The following ABCB5 variants were observed in gnomAD, a reference collection of about 807,000 sequenced individuals.
ABCB5 encodes the protein ATP-binding cassette sub-family B member 5.
Under a neutral mutation model 144.2 loss-of-function variants are expected in ABCB5, and 155 were observed. The observed-to-expected ratio is 1.08, with a 90% CI of 0.94 to 1.23. The LOEUF (loss-of-function observed/expected upper bound fraction) is 1.23, where lower values mean the gene tolerates loss of function less well. Among genes scored for constraint, ABCB5 ranks in the 50% most tolerant of loss-of-function variants. The pLI is 0.00. For missense variants in ABCB5, 1,830 were observed against 1,520.8 expected, an observed-to-expected ratio of 1.20 and a Z score of -3.38; for synonymous variants, 610 against 528.6, an observed-to-expected ratio of 1.15 and a Z score of -2.11.
At chr7:20,750,152 G>A (rs1303839368) in intron 26 of ABCB5, among the ~76,000 whole-genome samples, 1 of 152,188 alleles carries the variant, frequency 6.6e-6, no homozygotes, top group Non-Finnish European at 1.5e-5. Flanking sequence ...GACACAGGCA[G>A]CTTGAGAGAT....
chr7:20,728,878 G>C (rs913319258), intron 23 of ABCB5, among the ~76,000 whole-genome samples: 1 of 152,114 alleles, frequency 6.6e-6, no homozygotes, highest in African/African-American at 2.4e-5. Flanking sequence ...ATGTGGAAAA[G>C]GTATGCTTGA....
intron 19 of ABCB5, 44 bp downstream of exon 19, chr7:20,700,179 T>C (rs769846015): frequency 6.9e-7 from 1 of 1,443,564 alleles, no homozygotes; most frequent in Non-Finnish European, 9.4e-7. Context: ...TTAAAATTTA[T>C]TGTAAAACAT....
intron 20 of ABCB5, 57 bp downstream of exon 20, chr7:20,704,864 T>A: frequency 7.5e-7 from 1 of 1,340,034 alleles, no homozygotes; most frequent in Admixed American, 1.7e-5. Flanking sequence ...ACACATGCAA[T>A]GCACACATGT....
chr7:20,738,429 C>G (rs1782457601), intron 23 of ABCB5, among the ~76,000 whole-genome samples: 2 of 152,178 alleles, frequency 1.3e-5, no homozygotes, highest in African/African-American at 4.8e-5. Context: ...GTTCTTCTTT[C>G]AGTCTTTTTA....
intron 7 of ABCB5, 36 bp from the exon 8 acceptor site, chr7:20,645,720 G>T: frequency 6.3e-7 from 1 of 1,598,906 alleles, no homozygotes; most frequent in Non-Finnish European, 8.6e-7. Context: ...TTACTACACA[G>T]AGTCATTTTT....
At position 20,678,867 on chromosome 7, in the gene ABCB5, A is replaced by G. The variant is rs190918738; in HGVS notation, c.1708-2638A>G. 1.3e-3 allele frequency among the ~76,000 whole-genome samples: 193 copies of G among 152,320 alleles called. 2 individuals are homozygous for G. Among genetic ancestry groups the G allele is most frequent in the Non-Finnish European group, 1.6e-3 (108 of 68,030 alleles). On this transcript the variant is annotated intron_variant, in intron 14 of 27. Transcript: ENST00000404938. ...TTTATGGTAAAGGCAGTTCTGCAGT[A>G]TAGTAGGGAAATGATGGTCTTCAAA...
At chr7:20,735,179 C>T (rs1782345152) in intron 23 of ABCB5, among the ~76,000 whole-genome samples, 1 of 152,094 alleles carries the variant, frequency 6.6e-6, no homozygotes, top group East Asian at 1.9e-4. Flanking sequence ...TAATAAAAGC[C>T]ACAGCTTTGA....
intron 19 of ABCB5, 61 bp downstream of exon 19, chr7:20,700,196 TTTAA>T: frequency 7.3e-7 from 1 of 1,367,824 alleles, no homozygotes; most frequent in Non-Finnish European, 1.0e-6. Flanking sequence ...ACATTCTAGC[TTTAA>T]TTCTGTCTCA....
chr7:20,651,573 A>G lies in ABCB5; in HGVS notation c.1486A>G (p.Arg496Gly). The change falls in exon 13 of 28, where the codon AGA becomes GGA. Residue 496 changes from arginine to glycine, a missense_variant. Arg to Gly is a moderately radical substitution (Grantham distance 125). Transcript: ENST00000404938. Reference sequence around the variant, plus strand: ...TGATGTGACTGATGAAGAGATGGAGAGAGCAGCAAGGGAAGCAAATGCGTA... The same window carrying G: ...TGATGTGACTGATGAAGAGATGGAGGGAGCAGCAAGGGAAGCAAATGCGTA... ...RDDVTDEEME[R>G]AAREANAYDF... The G allele has an allele frequency of 6.2e-7, 1 of 1,614,124 alleles. No individual in the cohort carries two copies. Among genetic ancestry groups the G allele is most frequent in the Admixed American group, 1.7e-5 (1 of 60,016 alleles).
intron 20 of ABCB5, among the ~76,000 whole-genome samples, chr7:20,722,193 T>C (rs997462198): frequency 6.6e-6 from 1 of 152,210 alleles, no homozygotes; most frequent in East Asian, 1.9e-4. Flanking sequence ...TAAGTTAGGG[T>C]TGAAGAGATG....
Position 20,711,236 on chromosome 7 carries a change from A to T in ABCB5, c.2421+6429A>T, listed in dbSNP as rs141373246. On this transcript the variant is annotated intron_variant, in intron 20 of 27. Coordinates refer to ENST00000404938, the MANE Select transcript of ABCB5 (RefSeq NM_001163941.2). ...CTATGTATTTACTCACGTAGCTAAC[A>T]TTTCTGGTCTCTTCCTTCCTTATTC... 5.2e-3 allele frequency among the ~76,000 whole-genome samples: 773 copies of T among 149,424 alleles called. 51 individuals carry two copies. The highest frequency in any genetic ancestry group is 8.5e-3 in the Non-Finnish European group (569 of 67,192).
In ABCB5 at chr7:20,645,994, T is replaced by G; in HGVS notation, c.837T>G (p.Phe279Leu). The change falls in exon 9 of 28, where the codon TTT becomes TTG. Residue 279 changes from phenylalanine (F) to leucine (L), a missense_variant. Transcript: ENST00000404938. ...AGAATCTCAAAGATGCAAAGGATTT[T>G]GGCATAAAAAGGACTATAGCTTCAA... ...YTQNLKDAKD[F>L]GIKRTIASKV... is the part of the protein sequence containing the mutation. 1.2e-6 allele frequency: 2 copies of G among 1,613,804 alleles called. No homozygotes were observed. The highest frequency in any genetic ancestry group is 1.7e-6 in the Non-Finnish European group (2 of 1,179,786).
intron 20 of ABCB5, among the ~76,000 whole-genome samples, chr7:20,711,779 T>TCTCTCTCTTTCTTTCTCTCTCC (rs1181519928): frequency 4.0e-4 from 3 of 7,476 alleles, no homozygotes; most frequent in Non-Finnish European, 5.8e-4. Context: ...TCCTTCTTTC[T>TCTCTCTCTTTCTTTCTCTCTCC]CTTTCTTTCT....
intron 14 of ABCB5, among the ~76,000 whole-genome samples, chr7:20,677,715 C>T (rs1196088520): frequency 1.3e-5 from 2 of 152,010 alleles, no homozygotes; most frequent in African/African-American, 2.4e-5. Context: ...TGTGACAGAG[C>T]GAGACTCTGT....
At chr7:20,633,181 CA>C (rs1784075725) in intron 5 of ABCB5, among the ~76,000 whole-genome samples, 1 of 151,872 alleles carries the variant, frequency 6.6e-6, no homozygotes, top group Non-Finnish European at 1.5e-5. Context: ...TGTATCCAAA[CA>C]AAAAATTGTA....
At chr7:20,718,700 G>A (rs1039492844) in intron 20 of ABCB5, among the ~76,000 whole-genome samples, 2 of 152,040 alleles carry the variant, frequency 1.3e-5, no homozygotes, top group Non-Finnish European at 2.9e-5. Flanking sequence ...ATCTTTTAGG[G>A]AAGCAATTTG....
chr7:20,675,064 T>C (rs1785560320), intron 14 of ABCB5, among the ~76,000 whole-genome samples: 1 of 151,956 alleles, frequency 6.6e-6, no homozygotes, highest in African/African-American at 2.4e-5. Context: ...TAAATGTCAA[T>C]ACTACCCAAA....
chr7:20,722,420 C>T (rs1477040084), intron 20 of ABCB5, among the ~76,000 whole-genome samples: 1 of 152,112 alleles, frequency 6.6e-6, no homozygotes, highest in African/African-American at 2.4e-5. Context: ...TAAAAGTCTC[C>T]CTTTAAGGAG....
chr7:20,710,140 C>G (rs1020013294), intron 20 of ABCB5, among the ~76,000 whole-genome samples: 1 of 147,884 alleles, frequency 6.8e-6, no homozygotes, highest in Non-Finnish European at 1.5e-5. Flanking sequence ...TTTGGGAGAC[C>G]GAGGCGGGTG....
Sources: gnomAD v4.1 joint callset for allele counts (sites outside exome capture counted in the v4.1 genomes callset) on GRCh38, gnomAD v4.1.1 for gene constraint, MANE v1.5 for transcripts, NCBI Gene and HGNC (gene_info 2026-07-23, HGNC 2026-07-21) for gene names.